Variants in MAP2K3 observed in about 807,000 individuals in gnomAD.
The protein encoded by MAP2K3 is dual specificity mitogen-activated protein kinase kinase 3.
In MAP2K3, 30 loss-of-function variants were observed where a neutral mutation model predicts 46.4. The ratio of observed to expected loss-of-function variants is 0.65; its 90% confidence interval spans 0.48 to 0.88. MAP2K3 has a LOEUF of 0.88. Ranked by LOEUF, MAP2K3 falls within the 40% of genes least tolerant of loss-of-function variation. MAP2K3 has a pLI of 0.00. For synonymous variants in MAP2K3, 189 were observed against 176.3 expected (o/e 1.07, Z -0.57); for missense variants, 380 against 464.5 (o/e 0.82, Z 1.67).
At chr17:21,292,978 C>G (rs1337873247) in intron 1 of MAP2K3, among the ~76,000 whole-genome samples, 1 of 152,430 alleles carries the variant, frequency 6.6e-6, no homozygotes, top group African/African-American at 2.4e-5. Flanking sequence ...TTAGTACCTG[C>G]CTCAAGGGGT....
At chr17:21,313,662 C>G (rs544634074) in intron 11 of MAP2K3, 125 bp downstream of exon 11, 1 of 766,218 alleles carries the variant, frequency 1.3e-6, no homozygotes, top group African/African-American at 1.7e-5. Context: ...TGTGTTCTCT[C>G]CTTTAGGTGC....
chr17:21,288,451 A>G (rs1043167002), intron 1 of MAP2K3, among the ~76,000 whole-genome samples: 4 of 152,164 alleles, frequency 2.6e-5, no homozygotes, highest in African/African-American at 4.8e-5. Flanking sequence ...TGAGGAGCAG[A>G]GGTGGTGCAG....
At chr17:21,301,991 G>C (rs1338200960) in intron 5 of MAP2K3, 152 bp from the exon 6 acceptor site, 2 of 758,308 alleles carry the variant, frequency 2.6e-6, no homozygotes, top group Non-Finnish European at 4.5e-6. Flanking sequence ...GGGCAAGTGG[G>C]TGGTGGGTGG....
rs1234597456 is a variant in MAP2K3, at chr17:21,312,280, T to C, written c.913T>C (p.Cys305Arg). ...SPEFVDFTAQ[C>R]LRKNPAERMS... ...CGAGTTTGTGGACTTCACTGCTCAGTGGTGAGTCTTGGGTGCTGCTGAGCG... is the reference window on the plus strand; with the variant it reads ...CGAGTTTGTGGACTTCACTGCTCAGCGGTGAGTCTTGGGTGCTGCTGAGCG... Residue 305 changes from cysteine to arginine, a missense_variant and splice_region_variant, in exon 10 of 12, where the codon TGC (cysteine) becomes CGC (arginine). Physicochemically the swap from Cys to Arg is radical, Grantham distance 180. Around this residue, in one of 5 missense-constraint regions of MAP2K3, gnomAD observed 63 missense variants for 81.6 expected, o/e 0.77. Transcript: ENST00000342679. The C allele has an allele frequency of 6.3e-7, 1 of 1,598,900 alleles. No individual in the cohort carries two copies. Among genetic ancestry groups the C allele is most frequent in the South Asian group, 1.1e-5 (1 of 88,966 alleles).
chr17:21,288,140 C>T (rs1177136905), intron 1 of MAP2K3: 15 of 1,263,688 alleles, frequency 1.2e-5, no homozygotes, highest in South Asian at 5.0e-5. Context: ...GCATGCCAGC[C>T]GGCTGCCTAC....
intron 9 of MAP2K3, among the ~76,000 whole-genome samples, chr17:21,310,841 G>T (rs1188350348): frequency 6.6e-6 from 1 of 152,214 alleles, no homozygotes; most frequent in Non-Finnish European, 1.5e-5. Flanking sequence ...GGCTATTTTT[G>T]TTGTTTTTCA....
chr17:21,301,879 C>T (rs1242724365), intron 5 of MAP2K3, among the ~76,000 whole-genome samples: 1 of 152,312 alleles, frequency 6.6e-6, no homozygotes, highest in Admixed American at 6.5e-5. Flanking sequence ...AGGCTGTGTG[C>T]TAATCCTCTT....
chr17:21,300,057 C>T (rs1976502980), intron 3 of MAP2K3, among the ~76,000 whole-genome samples: 1 of 152,310 alleles, frequency 6.6e-6, no homozygotes, highest in South Asian at 2.1e-4. Context: ...CTGACACTCA[C>T]CATCTGCTGT....
intron 2 of MAP2K3, 119 bp from the exon 3 acceptor site, chr17:21,298,757 GGC>G: frequency 6.9e-7 from 1 of 1,457,930 alleles, no homozygotes; most frequent in Non-Finnish European, 9.5e-7. Flanking sequence ...GGCCGGAGAA[GGC>G]GCCTCCGGGG....
rs536083343 is a variant in MAP2K3, at chr17:21,312,859, G to A, written c.914+578G>A. Among the ~76,000 whole-genome samples, 11 of 151,146 alleles carry A rather than the reference G, an allele frequency of 7.3e-5. No homozygotes were observed. The South Asian group carries it at 1.9e-3, about 26-fold the overall frequency. On this transcript the variant is annotated intron_variant, in intron 10 of 11. Transcript: ENST00000342679. ...GAACCCGGGAGCCGGAGGTTGCAGTGAGCCTGAGCCGAGATCATGCCACTG... is the reference window on the plus strand; with the variant it reads ...GAACCCGGGAGCCGGAGGTTGCAGTAAGCCTGAGCCGAGATCATGCCACTG...
At chr17:21,296,836 G>A (rs1976280355) in intron 1 of MAP2K3, among the ~76,000 whole-genome samples, 1 of 152,310 alleles carries the variant, frequency 6.6e-6, no homozygotes, top group Non-Finnish European at 1.5e-5. Flanking sequence ...CACAGGAGTA[G>A]TGACTAGGCG....
rs1297386027 is a variant in MAP2K3 at position 21,285,285 on chromosome 17, T to C, written c.49+316T>C. Reference sequence around the variant, plus strand: ...TCATTTGGGCCTTATGGCTGCAGCCTGGACATGAACTCTCCCAGTCTTCTC... The same window carrying C: ...TCATTTGGGCCTTATGGCTGCAGCCCGGACATGAACTCTCCCAGTCTTCTC... On this transcript the variant is annotated intron_variant, in intron 1 of 11. Transcript: ENST00000342679. 4 of 985,246 alleles carry C rather than the reference T, an allele frequency of 4.1e-6. No homozygotes were observed. The East Asian group carries it at 3.4e-4, about 84-fold the overall frequency. 61.0% of individuals were successfully genotyped at this position (985,246 alleles called of 1,614,324 possible).
At chr17:21,286,252 T>C (rs1975719838) in intron 1 of MAP2K3, among the ~76,000 whole-genome samples, 1 of 152,254 alleles carries the variant, frequency 6.6e-6, no homozygotes, top group Non-Finnish European at 1.5e-5. Context: ...CCATTCTTCT[T>C]GCTGGAAAGG....
chr17:21,298,586 C>G, intron 2 of MAP2K3, 107 bp downstream of exon 2: 1 of 1,561,588 alleles, frequency 6.4e-7, no homozygotes, highest in Non-Finnish European at 8.8e-7. Context: ...TTACCTCGTC[C>G]TGTCCTGGGC....
At chr17:21,304,306 G>T in intron 7 of MAP2K3, 120 bp from the exon 8 acceptor site, 4 of 1,559,048 alleles carry the variant, frequency 2.6e-6, no homozygotes, top group Non-Finnish European at 3.5e-6. Context: ...GCCCACTGGG[G>T]CATGGGAGGG....
intron 1 of MAP2K3, among the ~76,000 whole-genome samples, chr17:21,297,747 G>A (rs1226014546): frequency 1.4e-5 from 1 of 72,448 alleles, no homozygotes; most frequent in Non-Finnish European, 3.4e-5. Flanking sequence ...CCTGTCCCTA[G>A]GGGTGGAGTG....
At chr17:21,302,689 A>G (rs1235876472) in intron 6 of MAP2K3, among the ~76,000 whole-genome samples, 6 of 152,304 alleles carry the variant, frequency 3.9e-5, no homozygotes, top group South Asian at 4.1e-4. Context: ...GGAGGGCAGC[A>G]ACACTGGGCT....
At chr17:21,302,394 C>G in intron 6 of MAP2K3, 135 bp downstream of exon 6, 1 of 970,818 alleles carries the variant, frequency 1.0e-6, no homozygotes, top group Non-Finnish European at 1.6e-6. Flanking sequence ...TGAACCTGGG[C>G]AGCTGCCCTG....
At chr17:21,291,736 G>A (rs1326837220) in intron 1 of MAP2K3, 3 of 375,370 alleles carry the variant, frequency 8.0e-6, no homozygotes, top group Admixed American at 3.2e-5. Flanking sequence ...TGGTCTTCAC[G>A]GCTACCCAGC....
Sources: gnomAD v4.1 joint callset for allele counts (sites outside exome capture counted in the v4.1 genomes callset) on GRCh38, gnomAD v4.1.1 for gene constraint, gnomAD v4.1.1 regional missense constraint, MANE v1.5 for transcripts, NCBI Gene and HGNC (gene_info 2026-07-23, HGNC 2026-07-21) for gene names.